The following DOCK5 variants were observed in gnomAD, a reference collection of about 807,000 sequenced individuals.
DOCK5 encodes the protein dedicator of cytokinesis 5, also known as dedicator of cytokinesis protein 5.
Under a neutral mutation model 251.8 loss-of-function variants are expected in DOCK5, and 142 were observed. The ratio of observed to expected loss-of-function variants is 0.56; its 90% CI spans 0.49 to 0.65. The LOEUF is 0.65. Among genes scored for constraint, DOCK5 ranks in the 30% least tolerant of loss-of-function variants. DOCK5 has a pLI of 0.00. For synonymous variants in DOCK5, 842 were observed against 835.5 expected, an observed-to-expected ratio of 1.01 and a Z score of -0.13; for missense variants, 2,111 against 2,312.3, an observed-to-expected ratio of 0.91 and a Z score of 1.79.
chr8:25,259,142 T>C (rs1319085128), intron 2 of DOCK5, among the ~76,000 whole-genome samples: 2 of 152,136 alleles, frequency 1.3e-5, no homozygotes, highest in South Asian at 2.1e-4. Flanking sequence ...AATGAATGAA[T>C]GCATGAATGA....
chr8:25,239,938 G>A (rs547742784), intron 1 of DOCK5, among the ~76,000 whole-genome samples: 6 of 152,192 alleles, frequency 3.9e-5, no homozygotes, highest in South Asian at 2.1e-4. Flanking sequence ...GTGGCTGGAC[G>A]TGTGCTCCTT....
intron 34 of DOCK5, among the ~76,000 whole-genome samples, chr8:25,371,700 C>T (rs1486623820): frequency 6.6e-6 from 1 of 152,164 alleles, no homozygotes; most frequent in African/African-American, 2.4e-5. Context: ...AATATTTATA[C>T]ATGATATGCT....
At chr8:25,202,004 AC>A (rs1351194453) in intron 1 of DOCK5, among the ~76,000 whole-genome samples, 1 of 152,078 alleles carries the variant, frequency 6.6e-6, no homozygotes, top group Non-Finnish European at 1.5e-5. Context: ...TGGGAAAAAA[AC>A]ATATATATAT....
At chr8:25,225,622 C>T (rs1458340550) in intron 1 of DOCK5, among the ~76,000 whole-genome samples, 1 of 151,298 alleles carries the variant, frequency 6.6e-6, no homozygotes, top group Non-Finnish European at 1.5e-5. Context: ...AGGAGAATGG[C>T]ATGAACCCGG....
chr8:25,352,465 T>C (rs1230818570), intron 27 of DOCK5, among the ~76,000 whole-genome samples: 1 of 152,116 alleles, frequency 6.6e-6, no homozygotes, highest in Non-Finnish European at 1.5e-5. Flanking sequence ...TCTAAACAGA[T>C]GCCGGGTAAC....
intron 13 of DOCK5, 22 bp from the exon 14 acceptor site, chr8:25,316,985 C>A (rs765355102): frequency 1.1e-5 from 18 of 1,613,046 alleles, no homozygotes; most frequent in South Asian, 2.2e-5. Flanking sequence ...GCAACACTCA[C>A]AGCATGCTTA....
intron 6 of DOCK5, among the ~76,000 whole-genome samples, chr8:25,294,151 C>T (rs1010067152): frequency 1.8e-4 from 27 of 152,162 alleles, no homozygotes; most frequent in African/African-American, 5.3e-4. Flanking sequence ...ACCCCACAAA[C>T]GGCAGAACAT....
intron 47 of DOCK5, among the ~76,000 whole-genome samples, chr8:25,401,666 G>A (rs535281339): frequency 3.3e-5 from 5 of 151,230 alleles, no homozygotes; most frequent in Middle Eastern, 3.4e-3. Flanking sequence ...CCCAGGAGGC[G>A]GAGGTTTCAT....
chr8:25,387,034 A>G (rs889555203), intron 40 of DOCK5, among the ~76,000 whole-genome samples: 2 of 152,236 alleles, frequency 1.3e-5, no homozygotes, highest in Admixed American at 1.3e-4. Flanking sequence ...CAGGAGTGAT[A>G]TAACCTCACT....
In DOCK5 at chr8:25,351,729, A is replaced by G. The variant is rs1800472120; in HGVS notation, c.2755-2A>G. ...TGGAGTCAAATCCTGTGTTCCCTGC[A>G]GGGTGCCACTGCGGTGCACATTCAG... On this transcript the variant is annotated splice_acceptor_variant, in intron 26 of 51. Coordinates refer to ENST00000276440, the MANE Select transcript of DOCK5 (RefSeq NM_024940.8). LOFTEE classifies it high-confidence loss of function. The G allele has an allele frequency of 1.9e-6, 3 of 1,612,800 alleles. No homozygotes were observed. Among genetic ancestry groups the G allele is most frequent in the African/African-American group, 1.3e-5 (1 of 75,046 alleles).
chr8:25,332,118 A>G, intron 18 of DOCK5, 133 bp from the exon 19 acceptor site: 1 of 534,456 alleles, frequency 1.9e-6, no homozygotes, highest in South Asian at 3.8e-5. Flanking sequence ...TAGTAAATTA[A>G]AAGAATATAT....
intron 27 of DOCK5, among the ~76,000 whole-genome samples, chr8:25,353,076 A>T (rs1392923914): frequency 2.6e-5 from 4 of 152,170 alleles, no homozygotes; most frequent in Admixed American, 6.5e-5. Context: ...AAGAGAAACG[A>T]TTGCAAGTAA....
intron 1 of DOCK5, among the ~76,000 whole-genome samples, chr8:25,232,095 A>C (rs1802681342): frequency 6.6e-6 from 1 of 152,190 alleles, no homozygotes; most frequent in South Asian, 2.1e-4. Context: ...TATGATTTGC[A>C]TCCTTTTAAA....
chr8:25,190,775 G>GATTTTTTTTTT (rs755511798), intron 1 of DOCK5, among the ~76,000 whole-genome samples: 2 of 53,980 alleles, frequency 3.7e-5, no homozygotes, highest in African/African-American at 6.7e-5. Context: ...CTTGGTCATG[G>GATTTTTTTTTT]GTTTTTTTTT....
intron 1 of DOCK5, among the ~76,000 whole-genome samples, chr8:25,213,853 C>CT (rs1466098795): frequency 6.6e-6 from 1 of 152,088 alleles, no homozygotes; most frequent in Admixed American, 6.6e-5. Flanking sequence ...GAGGTTGATG[C>CT]TTTGATTAGT....
intron 2 of DOCK5, among the ~76,000 whole-genome samples, chr8:25,264,842 A>C (rs1016368326): frequency 7.1e-6 from 1 of 140,826 alleles, no homozygotes; most frequent in Non-Finnish European, 1.5e-5. Context: ...AAAAAACAAC[A>C]ACAACAAAAA....
At chr8:25,389,323 C>T in intron 41 of DOCK5, 91 bp downstream of exon 41, 1 of 1,467,322 alleles carries the variant, frequency 6.8e-7, no homozygotes, top group Non-Finnish European at 9.2e-7. Flanking sequence ...ACAGTCCCTT[C>T]TCTGCAGACA....
chr8:25,377,355 T>C lies in DOCK5; in HGVS notation c.3867T>C (p.Tyr1289=). The part of the protein sequence containing the change: ...VPHLLQKDSY[Y]VYTQQELKEK... ...ATTTGCTTCAGAAGGACAGTTACTA[T>C]GTTTATACCCAGCAAGAGCTTAAAG... The change falls in exon 38 of 52, where the codon TAT becomes TAC. Residue 1289 remains tyrosine (Y), a synonymous_variant. Transcript: ENST00000276440. The C allele has an allele frequency of 6.2e-7, 1 of 1,613,846 alleles. No homozygotes were observed. The highest frequency in any genetic ancestry group is 2.2e-5 in the East Asian group (1 of 44,882).
chr8:25,228,206 CTTAT>C (rs935873357), intron 1 of DOCK5, among the ~76,000 whole-genome samples: 3 of 152,206 alleles, frequency 2.0e-5, no homozygotes. Flanking sequence ...CACACATTTA[CTTAT>C]TTAATGAAAA....
Sources: gnomAD v4.1 joint callset for allele counts (sites outside exome capture counted in the v4.1 genomes callset) on GRCh38, gnomAD v4.1.1 for gene constraint, MANE v1.5 for transcripts, NCBI Gene and HGNC (gene_info 2026-07-23, HGNC 2026-07-21) for gene names.